ATP2B2: variants seen among roughly 807,000 people sequenced by gnomAD.
ATP2B2 encodes ATPase plasma membrane Ca2+ transporting 2.
In ATP2B2, 15 loss-of-function variants were observed where a neutral mutation model predicts 120.0. The observed-to-expected ratio is 0.12, with a 90% CI of 0.08 to 0.19. The LOEUF is 0.19. Among genes scored for constraint, ATP2B2 ranks in the 10% least tolerant of loss-of-function variants. ATP2B2 has a pLI of 1.00. For missense variants in ATP2B2, 1,045 were observed against 1,719.8 expected, an observed-to-expected ratio of 0.61 and a Z score of 6.94; for synonymous variants, 694 against 700.3, an observed-to-expected ratio of 0.99 and a Z score of 0.14.
intron 2 of ATP2B2, among the ~76,000 whole-genome samples, chr3:10,411,458 C>T (rs546369935): frequency 5.9e-5 from 9 of 152,198 alleles, no homozygotes; most frequent in Non-Finnish European, 1.3e-4. Context: ...AGCCGCCTTG[C>T]GCTGGTACCC....
At chr3:10,513,337 G>A (rs2066811596) in intron 3 of ATP2B2, among the ~76,000 whole-genome samples, 1 of 152,110 alleles carries the variant, frequency 6.6e-6, no homozygotes, top group African/African-American at 2.4e-5. Context: ...GAAAAGCTTA[G>A]CAGTTCTCAA....
chr3:10,551,837 A>G (rs965431313), intron 2 of ATP2B2, among the ~76,000 whole-genome samples: 1 of 152,210 alleles, frequency 6.6e-6, no homozygotes, highest in African/African-American at 2.4e-5. Context: ...CCATCTGTTG[A>G]AAAGGGGACT....
chr3:10,412,333 G>A (rs1443118251), intron 2 of ATP2B2, among the ~76,000 whole-genome samples: 2 of 152,210 alleles, frequency 1.3e-5, no homozygotes, highest in African/African-American at 4.8e-5. Context: ...GTGTGACCAG[G>A]AGGTGCGTGG....
chr3:10,560,819 A>C (rs2067887900), intron 2 of ATP2B2, among the ~76,000 whole-genome samples: 1 of 152,016 alleles, frequency 6.6e-6, no homozygotes, highest in Non-Finnish European at 1.5e-5. Flanking sequence ...GTTAGATGAA[A>C]TCCAAACCCC....
intron 1 of ATP2B2, among the ~76,000 whole-genome samples, chr3:10,481,267 T>C (rs189109940): frequency 6.6e-6 from 1 of 152,168 alleles, no homozygotes; most frequent in Non-Finnish European, 1.5e-5. Flanking sequence ...CTTCTAAAGG[T>C]AGTCCCAATG....
At chr3:10,633,592 A>C (rs2069934848) in intron 1 of ATP2B2, among the ~76,000 whole-genome samples, 1 of 152,222 alleles carries the variant, frequency 6.6e-6, no homozygotes, top group South Asian at 2.1e-4. Context: ...AATTTTAATG[A>C]AGGAAGGCCA....
At chr3:10,687,660 G>A in intron 1 of ATP2B2, among the ~76,000 whole-genome samples, 1 of 152,092 alleles carries the variant, frequency 6.6e-6, no homozygotes, top group Non-Finnish European at 1.5e-5. Flanking sequence ...CAGGAGTTCA[G>A]GACCAGCCTG....
At chr3:10,562,963 T>C (rs1255048468) in intron 2 of ATP2B2, among the ~76,000 whole-genome samples, 2 of 152,254 alleles carry the variant, frequency 1.3e-5, no homozygotes, top group East Asian at 3.8e-4. Context: ...GCATACATGC[T>C]TTGAATGAAC....
chr3:10,676,756 A>G (rs1362066562), intron 1 of ATP2B2, among the ~76,000 whole-genome samples: 1 of 152,230 alleles, frequency 6.6e-6, no homozygotes, highest in African/African-American at 2.4e-5. Context: ...GCAGTTCCCT[A>G]TGCTGTTGTT....
chr3:10,659,112 A>G (rs1256916285), intron 1 of ATP2B2, among the ~76,000 whole-genome samples: 1 of 152,248 alleles, frequency 6.6e-6, no homozygotes, highest in Admixed American at 6.5e-5. Context: ...CATGGAAAGG[A>G]ACAACTGGTT....
chr3:10,399,785 G>A, intron 5 of ATP2B2, among the ~76,000 whole-genome samples: 1 of 152,152 alleles, frequency 6.6e-6, no homozygotes, highest in East Asian at 1.9e-4. Context: ...TGCTAGGAGG[G>A]CCCGTTCTCT....
At chr3:10,350,878 G>A (rs2060560472) in intron 14 of ATP2B2, among the ~76,000 whole-genome samples, 1 of 152,186 alleles carries the variant, frequency 6.6e-6, no homozygotes, top group African/African-American at 2.4e-5. Context: ...ACCATTGGCT[G>A]TCTCGACCTG....
intron 1 of ATP2B2, among the ~76,000 whole-genome samples, chr3:10,681,092 C>G (rs1364876897): frequency 1.3e-5 from 2 of 152,228 alleles, no homozygotes; most frequent in Admixed American, 1.3e-4. Flanking sequence ...CCATGATCGT[C>G]AGCTTCCTGA....
chr3:10,560,218 G>A (rs1033726175), intron 2 of ATP2B2, among the ~76,000 whole-genome samples: 4 of 152,204 alleles, frequency 2.6e-5, no homozygotes, highest in South Asian at 2.1e-4. Context: ...TTATAATGGC[G>A]TGTCGCAGGC....
At position 10,659,435 on chromosome 3, in the gene ATP2B2, G is replaced by A. The variant is rs535321574; in HGVS notation, c.-459-39474C>T. On this transcript the variant is annotated intron_variant, in intron 1 of 21. Coordinates refer to the ATP2B2 transcript ENST00000646379. ...CAAATGGAAAACAAAAAAAGGCAGG[G>A]GTTGCAATCCTAGTCTCTGATAAAA... Among the ~76,000 whole-genome samples, 54 of 152,194 alleles carry A rather than the reference G, an allele frequency of 3.5e-4. 1 individual carries two copies. Among genetic ancestry groups the A allele is most frequent in the Middle Eastern group, 3.4e-3 (1 of 294 alleles).
chr3:10,483,412 A>G (rs735931), intron 1 of ATP2B2, among the ~76,000 whole-genome samples: 89,957 of 152,106 alleles, frequency 0.59, 28,393 homozygotes, highest in African/African-American at 0.84. Flanking sequence ...CATTTTTTGA[A>G]TGGCAACAAT....
chr3:10,348,145 G>A (rs1298950750), intron 16 of ATP2B2, among the ~76,000 whole-genome samples: 1 of 151,978 alleles, frequency 6.6e-6, no homozygotes, highest in Admixed American at 6.6e-5. Context: ...CTCCTCGCTC[G>A]ATGTCCAATG....
intron 2 of ATP2B2, among the ~76,000 whole-genome samples, chr3:10,542,142 C>T (rs1223173283): frequency 1.3e-5 from 2 of 152,072 alleles, no homozygotes; most frequent in African/African-American, 4.8e-5. Context: ...TATATTATTA[C>T]ATTTGAAGTG....
At chr3:10,583,324 G>A (rs1030097041) in intron 2 of ATP2B2, among the ~76,000 whole-genome samples, 3 of 152,188 alleles carry the variant, frequency 2.0e-5, no homozygotes, top group Non-Finnish European at 4.4e-5. Flanking sequence ...GCCTGCCCAT[G>A]AACACATTAT....
Sources: gnomAD v4.1 joint callset for allele counts (sites outside exome capture counted in the v4.1 genomes callset) on GRCh38, gnomAD v4.1.1 for gene constraint, MANE v1.5 for transcripts, NCBI Gene and HGNC (gene_info 2026-07-23, HGNC 2026-07-21) for gene names.